PPP3CA: variants seen among roughly 807,000 people sequenced by gnomAD.
PPP3CA encodes the protein protein phosphatase 3 catalytic subunit alpha.
PPP3CA carries 14 observed loss-of-function variants against 66.5 expected under a neutral mutation model. That is an observed-to-expected ratio of 0.21 (90% confidence interval 0.14 to 0.33). PPP3CA has a LOEUF of 0.33. Among genes scored for constraint, PPP3CA ranks in the 10% least tolerant of loss-of-function variants. PPP3CA has a pLI of 1.00. For synonymous variants in PPP3CA, 232 were observed against 226.2 expected, an observed-to-expected ratio of 1.03 and a Z score of -0.23; for missense variants, 317 against 639.5, an observed-to-expected ratio of 0.50 and a Z score of 5.44.
intron 10 of PPP3CA, among the ~76,000 whole-genome samples, chr4:101,042,022 A>G (rs1727545509): frequency 6.6e-6 from 1 of 152,150 alleles, no homozygotes; most frequent in Admixed American, 6.5e-5. Context: ...GTTTTGAAAA[A>G]AAGATTTCTA....
intron 2 of PPP3CA, among the ~76,000 whole-genome samples, chr4:101,118,956 A>ATT (rs201507463): frequency 0.012 from 1,592 of 129,906 alleles, 44 homozygotes; most frequent in African/African-American, 0.044. Context: ...GAACTTACAG[A>ATT]TTTTTTTTTT....
rs1723466540 is a variant in PPP3CA, at chr4:101,160,410, C to T, written c.259+35506G>A. On this transcript the variant is annotated intron_variant, in intron 2 of 13. Coordinates refer to ENST00000394854, the MANE Select transcript of PPP3CA (RefSeq NM_000944.5). ...ATGACCAACGTGATTTCTTTAGTTT[C>T]CTCAAACTTTAATATTCATCAACTT... Among the ~76,000 whole-genome samples, 2 of 152,076 alleles carry T rather than the reference C, an allele frequency of 1.3e-5. 1 individual carries two copies. Among genetic ancestry groups the T allele is most frequent in the Admixed American group, 1.3e-4 (2 of 15,252 alleles).
intron 10 of PPP3CA, among the ~76,000 whole-genome samples, chr4:101,052,995 T>C (rs1157627715): frequency 6.6e-6 from 1 of 152,074 alleles, no homozygotes; most frequent in African/African-American, 2.4e-5. Flanking sequence ...ATGACTAGCA[T>C]GTTTAAAACT....
At chr4:101,172,075 G>A (rs993647509) in intron 2 of PPP3CA, among the ~76,000 whole-genome samples, 1 of 152,132 alleles carries the variant, frequency 6.6e-6, no homozygotes, top group African/African-American at 2.4e-5. Flanking sequence ...TACTGATGGA[G>A]AGCAGTGGGA....
chr4:101,091,090 C>T (rs1242177496), intron 6 of PPP3CA, among the ~76,000 whole-genome samples: 3 of 151,952 alleles, frequency 2.0e-5, no homozygotes, highest in African/African-American at 4.8e-5. Flanking sequence ...ACAGCTGACA[C>T]GAAAACGAAT....
intron 1 of PPP3CA, among the ~76,000 whole-genome samples, chr4:101,275,918 A>G (rs1480758955): frequency 6.8e-6 from 1 of 146,046 alleles, no homozygotes; most frequent in Admixed American, 6.9e-5. Flanking sequence ...TTTTTTTGAG[A>G]CAGGGTCCAG....
chr4:101,298,813 C>T (rs1728276074), intron 1 of PPP3CA, among the ~76,000 whole-genome samples: 2 of 150,152 alleles, frequency 1.3e-5, no homozygotes, highest in Non-Finnish European at 3.0e-5. Flanking sequence ...GGTCAGTGCC[C>T]CAAGTCCCCA....
chr4:101,312,006 T>G (rs548881990), intron 1 of PPP3CA, among the ~76,000 whole-genome samples: 93 of 152,344 alleles, frequency 6.1e-4, no homozygotes, highest in African/African-American at 2.1e-3. Context: ...ATTTAAAAAC[T>G]AAACTAATGA....
intron 1 of PPP3CA, among the ~76,000 whole-genome samples, chr4:101,229,236 T>TAC (rs10654762): frequency 5.3e-5 from 8 of 150,080 alleles, no homozygotes; most frequent in Admixed American, 2.0e-4. Flanking sequence ...TTCATTATTT[T>TAC]ACACTCACAC....
At chr4:101,248,787 C>T (rs1421807434) in intron 1 of PPP3CA, among the ~76,000 whole-genome samples, 1 of 152,172 alleles carries the variant, frequency 6.6e-6, no homozygotes, top group Non-Finnish European at 1.5e-5. Flanking sequence ...TCATTAGTAG[C>T]TACTCTGAAA....
At chr4:101,323,843 G>GT (rs1220685021) in intron 1 of PPP3CA, among the ~76,000 whole-genome samples, 2 of 152,072 alleles carry the variant, frequency 1.3e-5, no homozygotes, top group Admixed American at 6.6e-5. Context: ...GCCGGGCATG[G>GT]TGGCTCATGC....
chr4:101,342,490 T>C (rs1040794275), intron 1 of PPP3CA, among the ~76,000 whole-genome samples: 1 of 152,182 alleles, frequency 6.6e-6, no homozygotes, highest in Non-Finnish European at 1.5e-5. Context: ...TTGCATACTG[T>C]TCACTAAGTA....
intron 8 of PPP3CA, among the ~76,000 whole-genome samples, chr4:101,079,079 A>G (rs1223112060): frequency 6.6e-6 from 1 of 152,184 alleles, no homozygotes; most frequent in African/African-American, 2.4e-5. Flanking sequence ...AGCAAACACC[A>G]TCCAGCAGAT....
At chr4:101,237,488 C>A (rs1037033205) in intron 1 of PPP3CA, among the ~76,000 whole-genome samples, 2 of 151,986 alleles carry the variant, frequency 1.3e-5, no homozygotes, top group African/African-American at 4.8e-5. Context: ...AACAAACTTG[C>A]ATAAAGATTT....
intron 2 of PPP3CA, among the ~76,000 whole-genome samples, chr4:101,163,273 TC>T (rs1013095729): frequency 7.0e-4 from 106 of 152,290 alleles, no homozygotes; most frequent in African/African-American, 2.4e-3. Context: ...CTCTGCTTTT[TC>T]TAAAAATTTT....
At chr4:101,319,461 C>A (rs187274507) in intron 1 of PPP3CA, among the ~76,000 whole-genome samples, 108 of 152,198 alleles carry the variant, frequency 7.1e-4, no homozygotes, top group East Asian at 4.6e-3. Context: ...ATTCTGTAAT[C>A]TAATGTTATT....
At chr4:101,060,437 C>CTGACAAA (rs1560582653) in intron 10 of PPP3CA, among the ~76,000 whole-genome samples, 1 of 152,052 alleles carries the variant, frequency 6.6e-6, no homozygotes, top group Non-Finnish European at 1.5e-5. Context: ...TGTCAGTTTC[C>CTGACAAA]ATTCATTTTG....
chr4:101,232,923 C>G (rs943853599), intron 1 of PPP3CA, among the ~76,000 whole-genome samples: 1 of 151,654 alleles, frequency 6.6e-6, no homozygotes. Flanking sequence ...AAACACCATA[C>G]AGATTTACTA....
intron 3 of PPP3CA, among the ~76,000 whole-genome samples, chr4:101,107,841 C>A (rs1452275906): frequency 6.6e-6 from 1 of 152,082 alleles, no homozygotes; most frequent in East Asian, 1.9e-4. Context: ...TGGTGTGAGA[C>A]AATAATGTTG....
Sources: gnomAD v4.1 joint callset for allele counts (sites outside exome capture counted in the v4.1 genomes callset) on GRCh38, gnomAD v4.1.1 for gene constraint, MANE v1.5 for transcripts, NCBI Gene and HGNC (gene_info 2026-07-23, HGNC 2026-07-21) for gene names.